Variants in EPHA5 observed in about 807,000 individuals in gnomAD.
EPHA5 encodes the protein ephrin type-A receptor 5.
EPHA5 carries 60 observed loss-of-function variants against 105.0 expected under a neutral mutation model. That is an observed-to-expected ratio of 0.57 (90% CI 0.46 to 0.71). The LOEUF (loss-of-function observed/expected upper bound fraction) is 0.71, where lower values mean the gene tolerates loss of function less well. Among genes scored for constraint, EPHA5 ranks in the 30% least tolerant of loss-of-function variants. EPHA5 has a pLI of 0.00. For synonymous variants in EPHA5, 513 were observed against 449.1 expected (o/e 1.14, Z -1.80); for missense variants, 1,218 against 1,274.7 (o/e 0.96, Z 0.68).
At chr4:65,620,761 C>T (rs978265620) in intron 2 of EPHA5, among the ~76,000 whole-genome samples, 4 of 152,208 alleles carry the variant, frequency 2.6e-5, no homozygotes, top group Non-Finnish European at 5.9e-5. Flanking sequence ...ACAGAAAAGA[C>T]ATTAAGATTT....
In EPHA5 at chr4:65,441,821, GAAT is replaced by G. The variant is rs562789734; in HGVS notation, c.1403-21259_1403-21257del. ...TAAGAAATATAATCTAAGCTAAATA[GAAT>G]AATTATCAAGGAAATCTACTAGCTA... On this transcript the variant is annotated intron_variant, in intron 5 of 16. Transcript: ENST00000613740. Among the ~76,000 whole-genome samples the G allele has an allele frequency of 2.2e-4, 34 of 152,162 alleles. No individual in the cohort carries two copies. The South Asian group carries it at 6.0e-3, about 27-fold the overall frequency.
chr4:65,497,792 T>C (rs964147466), intron 3 of EPHA5, among the ~76,000 whole-genome samples: 2 of 152,026 alleles, frequency 1.3e-5, no homozygotes, highest in Non-Finnish European at 2.9e-5. Context: ...TATAAAATAA[T>C]ATAAATCGAA....
chr4:65,375,347 C>G (rs1034073755), intron 8 of EPHA5, among the ~76,000 whole-genome samples: 2 of 151,664 alleles, frequency 1.3e-5, no homozygotes, highest in African/African-American at 4.8e-5. Context: ...CAAACAAACT[C>G]ATTGCCTTCA....
At chr4:65,638,671 G>A (rs575678420) in intron 2 of EPHA5, among the ~76,000 whole-genome samples, 15 of 152,254 alleles carry the variant, frequency 9.9e-5, no homozygotes, top group African/African-American at 2.2e-4. Flanking sequence ...CCCAGGAGGC[G>A]GAGGTTGCGG....
intron 5 of EPHA5, among the ~76,000 whole-genome samples, chr4:65,468,029 C>T (rs1276187717): frequency 2.0e-5 from 3 of 152,006 alleles, no homozygotes; most frequent in South Asian, 2.1e-4. Flanking sequence ...GCTGACACCT[C>T]GATTTTAGTC....
chr4:65,405,543 C>G (rs1351752091), intron 7 of EPHA5, among the ~76,000 whole-genome samples: 1 of 152,128 alleles, frequency 6.6e-6, no homozygotes, highest in Middle Eastern at 3.2e-3. Flanking sequence ...GTTCTTGATT[C>G]TTTCTACCAA....
intron 8 of EPHA5, chr4:65,376,948 T>A (rs570367428): frequency 1.3e-6 from 2 of 1,484,826 alleles, no homozygotes; most frequent in African/African-American, 1.4e-5. Context: ...CCGACGGTAA[T>A]ACATATAGGT....
chr4:65,343,445 T>C (rs1334947378), intron 14 of EPHA5, among the ~76,000 whole-genome samples: 1 of 152,194 alleles, frequency 6.6e-6, no homozygotes, highest in African/African-American at 2.4e-5. Context: ...TAGATTATCC[T>C]GCATGCCTTG....
intron 1 of EPHA5, among the ~76,000 whole-genome samples, chr4:65,668,230 G>A (rs1750121945): frequency 6.6e-6 from 1 of 152,040 alleles, no homozygotes; most frequent in Non-Finnish European, 1.5e-5. Context: ...GCATTGCTGG[G>A]ATATCAGCTC....
In EPHA5 at chr4:65,351,411, G is replaced by A. The variant is rs755145140; in HGVS notation, c.2423C>T (p.Pro808Leu). 1 of 1,613,606 alleles carries A rather than the reference G, an allele frequency of 6.2e-7. No individual in the cohort carries two copies. The highest frequency in any genetic ancestry group is 1.1e-5 in the South Asian group (1 of 91,072). Residue 808 changes from proline to leucine, a missense_variant, in exon 13 of 17, where the codon CCC becomes CTC. Physicochemically the swap from Pro to Leu is moderately conservative, Grantham distance 98 (BLOSUM62 -3). This residue lies in a region of EPHA5 where 971 missense variants were observed against 1,013.5 expected (regional missense o/e 0.96). Transcript: ENST00000613740. ...FGLSRVLEDD[P>L]EAAYTTRGGK... is the part of the protein sequence containing the mutation. ...TACCCTTGTGGTGTAGGCTGCCTCG[G>A]GATCATCTTCCAGTACCCGGGAAAG...
At chr4:65,403,515 T>C (rs1722056824) in intron 8 of EPHA5, among the ~76,000 whole-genome samples, 1 of 152,138 alleles carries the variant, frequency 6.6e-6, no homozygotes, top group Non-Finnish European at 1.5e-5. Context: ...ATATTCCTTC[T>C]AATAATGGCC....
chr4:65,472,066 T>C (rs1729340751), intron 5 of EPHA5, among the ~76,000 whole-genome samples: 3 of 152,172 alleles, frequency 2.0e-5, no homozygotes, highest in African/African-American at 7.2e-5. Flanking sequence ...AGCTAGTTAG[T>C]TCCTCCCAAG....
chr4:65,592,018 A>AT (rs1019409326), intron 3 of EPHA5, among the ~76,000 whole-genome samples: 162 of 152,056 alleles, frequency 1.1e-3, no homozygotes, highest in Non-Finnish European at 1.6e-3. Context: ...GTCCACAGTA[A>AT]TTTTTTTTAA....
intron 6 of EPHA5, 32 bp from the exon 7 acceptor site, chr4:65,414,475 G>T (rs750280357): frequency 1.2e-6 from 2 of 1,605,154 alleles, no homozygotes; most frequent in Admixed American, 1.7e-5. Flanking sequence ...CAATAAAAAA[G>T]ACAGCATATA....
At chr4:65,499,357 T>C (rs1294110072) in intron 3 of EPHA5, among the ~76,000 whole-genome samples, 2 of 151,740 alleles carry the variant, frequency 1.3e-5, no homozygotes, top group East Asian at 3.9e-4. Context: ...TTTAAGATGC[T>C]CAAAAACAAA....
chr4:65,595,342 G>C (rs924268022), intron 3 of EPHA5, among the ~76,000 whole-genome samples: 2 of 151,888 alleles, frequency 1.3e-5, no homozygotes, highest in African/African-American at 4.8e-5. Context: ...ACAACTTATA[G>C]AATAAGTGAT....
At chr4:65,520,529 G>A (rs1049873203) in intron 3 of EPHA5, among the ~76,000 whole-genome samples, 2 of 152,120 alleles carry the variant, frequency 1.3e-5, no homozygotes, top group Non-Finnish European at 2.9e-5. Context: ...GGACGAATGG[G>A]ATCTAATTAA....
At chr4:65,347,460 G>A (rs947739701) in intron 14 of EPHA5, among the ~76,000 whole-genome samples, 5 of 152,090 alleles carry the variant, frequency 3.3e-5, no homozygotes, top group African/African-American at 4.8e-5. Context: ...CATAATAAAC[G>A]CTGTGAATTT....
At chr4:65,500,440 T>A (rs936393927) in intron 3 of EPHA5, among the ~76,000 whole-genome samples, 2 of 151,280 alleles carry the variant, frequency 1.3e-5, no homozygotes, top group Admixed American at 1.3e-4. Context: ...AGAATACATG[T>A]TGTTTCCCCA....
Sources: allele counts gnomAD v4.1 joint callset (sites outside exome capture counted in the v4.1 genomes callset), GRCh38; gene constraint gnomAD v4.1.1; regional missense constraint gnomAD v4.1.1; transcripts MANE v1.5; gene names NCBI Gene and HGNC (gene_info 2026-07-23, HGNC 2026-07-21).